Variants in DAG1 observed in about 807,000 individuals in gnomAD.
The protein encoded by DAG1 is dystroglycan 1.
Under a neutral mutation model 46.1 loss-of-function variants are expected in DAG1, and 8 were observed. The ratio of observed to expected loss-of-function variants is 0.17; its 90% confidence interval spans 0.10 to 0.31. The LOEUF is 0.31. Ranked by LOEUF, DAG1 falls within the 10% of genes least tolerant of loss-of-function variation. DAG1 has a pLI of 1.00. For synonymous variants in DAG1, 495 were observed against 481.8 expected (o/e 1.03, Z -0.36); for missense variants, 1,003 against 1,189.9 (o/e 0.84, Z 2.31).
intron 1 of DAG1, among the ~76,000 whole-genome samples, chr3:49,477,197 A>G (rs955291088): frequency 2.0e-4 from 30 of 152,028 alleles, no homozygotes; most frequent in Middle Eastern, 3.4e-3. Flanking sequence ...GGGTTTCTCC[A>G]TGTTGGTCGG....
Position 49,532,645 on chromosome 3 carries a change from A to T in DAG1, c.2134A>T (p.Ser712Cys). The T allele has an allele frequency of 1.9e-6, 3 of 1,614,048 alleles. No individual in the cohort carries two copies. The highest frequency in any genetic ancestry group is 2.5e-6 in the Non-Finnish European group (3 of 1,179,912). Residue 712 changes from serine (S) to cysteine (C), a missense_variant, in exon 3 of 3, where the codon AGT (serine) becomes TGT (cysteine). Coordinates refer to ENST00000308775, the MANE Select transcript of DAG1 (RefSeq NM_004393.6). The surrounding 1 kb of genome is among the most constrained non-coding windows in gnomAD (Gnocchi z 5.4). ...AAGCATCACTGTGACGGGCTCTGGCAGTTGTCGGCACCTACAGTTTATCCC... is the reference window on the plus strand; with the variant it reads ...AAGCATCACTGTGACGGGCTCTGGCTGTTGTCGGCACCTACAGTTTATCCC... ...ATSITVTGSG[S>C]CRHLQFIPVV...
At chr3:49,469,213 G>A (rs2049446737), upstream of DAG1, among the ~76,000 whole-genome samples, 1 of 152,218 alleles carries the variant, frequency 6.6e-6, no homozygotes, top group Admixed American at 6.5e-5. Flanking sequence ...TTCAGAATGT[G>A]CTTGCTGTCA....
chr3:49,478,554 AT>A, intron 1 of DAG1, among the ~76,000 whole-genome samples: 1 of 121,096 alleles, frequency 8.3e-6, no homozygotes, highest in Non-Finnish European at 1.8e-5. Context: ...TTTTTTTTAA[AT>A]TTTTTGTAGA....
intron 1 of DAG1, chr3:49,492,579 T>G (rs1395971343): frequency 2.0e-5 from 3 of 152,020 alleles, no homozygotes; most frequent in Non-Finnish European, 4.4e-5. Context: ...CCTGGGAGGG[T>G]GAGGCTGCAG....
At chr3:49,512,246 A>G (rs2050779456) in intron 2 of DAG1, among the ~76,000 whole-genome samples, 2 of 152,014 alleles carry the variant, frequency 1.3e-5, no homozygotes, top group South Asian at 4.1e-4. Context: ...CTTGTCGCCC[A>G]GGCTGGAGTG....
chr3:49,503,523 G>C (rs1457580016), intron 1 of DAG1, among the ~76,000 whole-genome samples: 1 of 151,976 alleles, frequency 6.6e-6, no homozygotes, highest in Admixed American at 6.6e-5. Context: ...CTTTCTTTAA[G>C]GTGTCCTTTA....
chr3:49,497,988 G>A (rs2107479423), intron 1 of DAG1, among the ~76,000 whole-genome samples: 1 of 152,350 alleles, frequency 6.6e-6, no homozygotes, highest in African/African-American at 2.4e-5. Flanking sequence ...TTGTTTATCT[G>A]TGATAAGTGA....
At chr3:49,477,431 A>G (rs1277798542) in intron 1 of DAG1, among the ~76,000 whole-genome samples, 1 of 152,104 alleles carries the variant, frequency 6.6e-6, no homozygotes, top group African/African-American at 2.4e-5. Flanking sequence ...AGCTGGGACT[A>G]CAGGGGCATG....
intron 1 of DAG1, among the ~76,000 whole-genome samples, chr3:49,477,547 CCT>C (rs2049717574): frequency 6.6e-6 from 1 of 152,202 alleles, no homozygotes; most frequent in Admixed American, 6.6e-5. Context: ...CCCGCCTCAG[CCT>C]CTCAAAGTGC....
chr3:49,524,974 T>TATATAC (rs1188327731), intron 2 of DAG1, among the ~76,000 whole-genome samples: 6 of 151,970 alleles, frequency 3.9e-5, no homozygotes, highest in Non-Finnish European at 8.8e-5. Context: ...GAGACCCTTA[T>TATATAC]ATATACATAT....
chr3:49,506,393 C>CA (rs2050608416), intron 1 of DAG1, among the ~76,000 whole-genome samples: 2 of 152,330 alleles, frequency 1.3e-5, no homozygotes, highest in South Asian at 4.1e-4. Context: ...ATAAGTCACT[C>CA]AGTTTGTCAC....
chr3:49,493,842 A>G (rs1486903802), intron 1 of DAG1, among the ~76,000 whole-genome samples: 3 of 152,218 alleles, frequency 2.0e-5, no homozygotes, highest in South Asian at 4.1e-4. Context: ...ATCCCTGTCC[A>G]TAGTGTTGGC....
In DAG1 at chr3:49,528,275, A is replaced by ATTTTTTTTTTTTTTTTTTTTTTTTTTT. The variant is rs147292984; in HGVS notation, c.286-2521_286-2495dup. 3.9e-4 allele frequency among the ~76,000 whole-genome samples: 26 copies of ATTTTTTTTTTTTTTTTTTTTTTTTTTT among 66,630 alleles called. 6 individuals are homozygous for ATTTTTTTTTTTTTTTTTTTTTTTTTTT. The highest frequency in any genetic ancestry group is 6.9e-4 in the African/African-American group (10 of 14,516). The allele number at this position is 66,630 out of a possible 152,430, so 43.7% of individuals were successfully genotyped here. A position where few individuals can be genotyped will look rare whatever the true frequency, so the allele number is the denominator to read the frequency against. On this transcript the variant is annotated intron_variant, in intron 2 of 2. Coordinates refer to ENST00000308775, the MANE Select transcript of DAG1 (RefSeq NM_004393.6). ...CAGCCAAAACATTTGAAATAGTGTG[A>ATTTTTTTTTTTTTTTTTTTTTTTTTTT]TTTTTTTTTTTTTTTTTTTTTTTTT...
chr3:49,504,989 T>A (rs1370560860), intron 1 of DAG1, among the ~76,000 whole-genome samples: 1 of 149,588 alleles, frequency 6.7e-6, no homozygotes. Flanking sequence ...TTTTTTTTAA[T>A]TTTAAAATTA....
intron 2 of DAG1, among the ~76,000 whole-genome samples, chr3:49,513,366 A>G (rs1490897133): frequency 6.6e-6 from 1 of 152,066 alleles, no homozygotes; most frequent in African/African-American, 2.4e-5. Flanking sequence ...AAGCTGCCCA[A>G]TCTCTTAAGG....
chr3:49,486,659 C>G (rs546815283), intron 1 of DAG1, among the ~76,000 whole-genome samples: 1 of 151,926 alleles, frequency 6.6e-6, no homozygotes, highest in Non-Finnish European at 1.5e-5. Context: ...TGCATCACCA[C>G]GCCTGGCTAA....
At chr3:49,473,217 C>T (rs1022020027) in intron 1 of DAG1, among the ~76,000 whole-genome samples, 1 of 152,028 alleles carries the variant, frequency 6.6e-6, no homozygotes, top group Admixed American at 6.6e-5. Flanking sequence ...AGATCAAGAC[C>T]ATCCTGGCTA....
At position 49,531,673 on chromosome 3, in the gene DAG1, A is replaced by C. The variant is rs201142226; in HGVS notation, c.1162A>C (p.Thr388Pro). 1.2e-6 allele frequency: 2 copies of C among 1,613,640 alleles called. No individual in the cohort carries two copies. The highest frequency in any genetic ancestry group is 1.7e-5 in the Admixed American group (1 of 60,000). The change falls in exon 3 of 3, where the codon ACT (threonine) becomes CCT (proline). Residue 388 changes from threonine to proline, a missense_variant. Physicochemically the swap from Thr to Pro is conservative, Grantham distance 38. Coordinates refer to ENST00000308775, the MANE Select transcript of DAG1 (RefSeq NM_004393.6). The surrounding 1 kb of genome is among the most constrained non-coding windows in gnomAD (Gnocchi z 7.0). ...QTPTLGPIQP[T>P]RVSEAGTTVP... ...CCCAACCCTAGGCCCCATCCAGCCT[A>C]CTCGGGTGTCAGAAGCTGGCACCAC...
At chr3:49,527,384 C>T (rs1166458703) in intron 2 of DAG1, among the ~76,000 whole-genome samples, 2 of 152,164 alleles carry the variant, frequency 1.3e-5, no homozygotes, top group Admixed American at 1.3e-4. Flanking sequence ...ATTAGCCGGG[C>T]ACGGTGGCGG....
Sources: gnomAD v4.1 joint callset for allele counts (sites outside exome capture counted in the v4.1 genomes callset) on GRCh38, gnomAD v4.1.1 for gene constraint, Gnocchi (gnomAD v3.1) non-coding constraint, MANE v1.5 for transcripts, NCBI Gene and HGNC (gene_info 2026-07-23, HGNC 2026-07-21) for gene names.